GLMN: variants seen among roughly 807,000 people sequenced by gnomAD.
GLMN encodes glomulin, FKBP associated protein, also known as glomulin.
In GLMN, 75 loss-of-function variants were observed where a neutral mutation model predicts 87.8. The ratio of observed to expected loss-of-function variants is 0.85; its 90% CI spans 0.71 to 1.04. The LOEUF (loss-of-function observed/expected upper bound fraction) is 1.04, where lower values mean the gene tolerates loss of function less well. Among genes scored for constraint, GLMN ranks in the 50% least tolerant of loss-of-function variants. The probability of loss-of-function intolerance (pLI) is 0.00; values close to 1 mark genes in which losing one functional copy is unlikely to be tolerated. For missense variants in GLMN, 588 were observed against 658.8 expected (o/e 0.89, Z 1.18); for synonymous variants, 206 against 221.6 (o/e 0.93, Z 0.63).
intron 3 of GLMN, among the ~76,000 whole-genome samples, chr1:92,293,954 T>G (rs1394692514): frequency 2.7e-5 from 4 of 148,690 alleles, no homozygotes. Flanking sequence ...TACCAGAGGC[T>G]GAAAATGGTA....
upstream of GLMN, among the ~76,000 whole-genome samples, chr1:92,299,565 G>T (rs1420498221): frequency 6.6e-6 from 1 of 152,150 alleles, no homozygotes; most frequent in Non-Finnish European, 1.5e-5. Context: ...CAGAGAGGAC[G>T]TTTGGCAGAC....
chr1:92,368,990 T>TGTAA, the GLMN span, among the ~76,000 whole-genome samples: 1 of 152,254 alleles, frequency 6.6e-6, no homozygotes, highest in Non-Finnish European at 1.5e-5. Flanking sequence ...ATTTATACAT[T>TGTAA]GTAAGTTTTT....
intron 7 of GLMN, among the ~76,000 whole-genome samples, chr1:92,283,643 T>G (rs1042670101): frequency 1.3e-5 from 2 of 152,202 alleles, no homozygotes; most frequent in Admixed American, 6.5e-5. Context: ...GAGAAAGAAA[T>G]AAAGGGTATT....
chr1:92,297,601 C>T, intron 2 of GLMN, 72 bp from the exon 3 acceptor site: 1 of 1,247,498 alleles, frequency 8.0e-7, no homozygotes, highest in Non-Finnish European at 1.1e-6. Flanking sequence ...AATACAATAA[C>T]TTCTTGATTT....
chr1:92,298,803 C>T (rs1650501721), intron 1 of GLMN, 122 bp downstream of exon 1: 1 of 360,266 alleles, frequency 2.8e-6, no homozygotes, highest in Non-Finnish European at 5.0e-6. Flanking sequence ...GATTCCTGCT[C>T]GCCTAGGTGG....
the GLMN span, among the ~76,000 whole-genome samples, chr1:92,345,477 G>T: frequency 6.6e-6 from 1 of 151,440 alleles, no homozygotes; most frequent in Non-Finnish European, 1.5e-5. Flanking sequence ...GGGAAAGAGG[G>T]GAGGGGAGGA....
chr1:92,304,862 G>A, the GLMN span, among the ~76,000 whole-genome samples: 39,446 of 152,118 alleles, frequency 0.26, 6,492 homozygotes, highest in Non-Finnish European at 0.35. Flanking sequence ...GATGCTGGTC[G>A]TGGTGGCTCA....
chr1:92,336,376 T>A, the GLMN span: 1 of 1,610,858 alleles, frequency 6.2e-7, no homozygotes, highest in African/African-American at 1.3e-5. Context: ...CCTCTTCAGA[T>A]TACATTGGGA....
rs564075324 is a variant in GLMN, at chr1:92,259,438, A to G, written c.1473+3425T>C. On this transcript the variant is annotated intron_variant, in intron 16 of 18. Coordinates refer to ENST00000370360, the MANE Select transcript of GLMN (RefSeq NM_053274.3). ...ACAAGAGGCATGAAATAGTAGGGTG[A>G]GGAAGGAGGGCTTACGAAGAGAATA... Among the ~76,000 whole-genome samples the G allele has an allele frequency of 5.9e-5, 9 of 152,294 alleles. No homozygotes were observed. The East Asian group carries it at 1.5e-3, about 26-fold the overall frequency.
At chr1:92,260,131 C>T (rs745542564) in intron 16 of GLMN, among the ~76,000 whole-genome samples, 1 of 152,140 alleles carries the variant, frequency 6.6e-6, no homozygotes, top group East Asian at 1.9e-4. Context: ...GTTATTGACA[C>T]GACCTATTGT....
At chr1:92,370,813 C>G in the GLMN span, among the ~76,000 whole-genome samples, 1 of 152,228 alleles carries the variant, frequency 6.6e-6, no homozygotes, top group East Asian at 1.9e-4. Context: ...TTTGCTGATA[C>G]TTTCTGCTAT....
chr1:92,265,958 A>ATCTT (rs919382169), intron 13 of GLMN, among the ~76,000 whole-genome samples: 3 of 152,182 alleles, frequency 2.0e-5, no homozygotes, highest in African/African-American at 7.2e-5. Flanking sequence ...AAGTTTACCA[A>ATCTT]TCTTTAACTT....
chr1:92,248,070 C>T (rs112414902), intron 16 of GLMN, 81 bp from the exon 17 acceptor site: 12 of 739,530 alleles, frequency 1.6e-5, no homozygotes, highest in African/African-American at 1.4e-4. Context: ...GCTCAAAAAA[C>T]AAAAATAAAT....
At chr1:92,312,809 T>A in the GLMN span, among the ~76,000 whole-genome samples, 2 of 151,920 alleles carry the variant, frequency 1.3e-5, no homozygotes, top group East Asian at 3.9e-4. Flanking sequence ...TCCCAAATGT[T>A]CTTTTTTTTT....
At chr1:92,325,195 C>T in the GLMN span, among the ~76,000 whole-genome samples, 2,295 of 152,176 alleles carry the variant, frequency 0.015, 33 homozygotes, top group Non-Finnish European at 0.025. Context: ...AGTCATTTAA[C>T]ATGAAGAGGA....
chr1:92,322,009 G>A, the GLMN span, among the ~76,000 whole-genome samples: 2 of 145,588 alleles, frequency 1.4e-5, no homozygotes, highest in South Asian at 2.2e-4. Context: ...GCAGTGGCGC[G>A]ATCTCGGCTC....
intron 7 of GLMN, among the ~76,000 whole-genome samples, chr1:92,284,280 C>G (rs1232329554): frequency 6.6e-6 from 1 of 152,080 alleles, no homozygotes; most frequent in Admixed American, 6.6e-5. Context: ...GATATACAGA[C>G]CAATGGAACA....
At chr1:92,268,508 G>A (rs1655896881) in intron 9 of GLMN, among the ~76,000 whole-genome samples, 1 of 152,152 alleles carries the variant, frequency 6.6e-6, no homozygotes. Context: ...CAATGACTCT[G>A]CAGTTTGGAA....
At chr1:92,335,784 A>T in the GLMN span, among the ~76,000 whole-genome samples, 62 of 152,304 alleles carry the variant, frequency 4.1e-4, no homozygotes, top group African/African-American at 1.5e-3. Context: ...TCACCTATTG[A>T]TACACATTTG....
Sources: gnomAD v4.1 joint callset for allele counts (sites outside exome capture counted in the v4.1 genomes callset) on GRCh38, gnomAD v4.1.1 for gene constraint, MANE v1.5 for transcripts, NCBI Gene and HGNC (gene_info 2026-07-23, HGNC 2026-07-21) for gene names.